Variants in RNF216 observed in about 807,000 individuals in gnomAD.
RNF216 encodes the protein ring finger protein 216, also known as E3 ubiquitin-protein ligase RNF216.
A neutral mutation model predicts 110.8 loss-of-function variants in RNF216; 72 were observed. The ratio of observed to expected loss-of-function variants is 0.65; its 90% CI spans 0.54 to 0.79. RNF216 has a LOEUF of 0.79. RNF216 is among the 30% of genes least tolerant of loss of function. RNF216 has a pLI of 0.00. For missense variants in RNF216, 1,342 were observed against 1,141.2 expected (o/e 1.18, Z -2.54); for synonymous variants, 495 against 407.5 (o/e 1.21, Z -2.59).
At chr7:5,740,231 A>G (rs529496560) in intron 4 of RNF216, among the ~76,000 whole-genome samples, 11 of 148,420 alleles carry the variant, frequency 7.4e-5, no homozygotes, top group Admixed American at 6.0e-4. Context: ...GGTTCACACC[A>G]TTCTCCTGCC....
At chr7:5,656,369 AG>A (rs1461615180) in intron 13 of RNF216, among the ~76,000 whole-genome samples, 2 of 152,214 alleles carry the variant, frequency 1.3e-5, no homozygotes, top group African/African-American at 4.8e-5. Context: ...GTGGTTTACA[AG>A]AAAGCCCCAA....
rs1217491437 is a variant in RNF216 at position 5,741,075 on chromosome 7, G to T, written c.942C>A (p.Ala314=). 2 of 1,614,024 alleles carry T rather than the reference G, an allele frequency of 1.2e-6. No homozygotes were observed. Among genetic ancestry groups the T allele is most frequent in the Non-Finnish European group, 8.5e-7 (1 of 1,180,048 alleles). ...GCTCTTGAGATTCTTGCATTGGAAA[G>T]GCTGGACCTGGCTCTTCATCATCAC... ...LASDDEEPGP[A]FPMQESQEPN... Residue 314 remains alanine (A), a synonymous_variant, in exon 4 of 17, where the codon GCC becomes GCA. Transcript: ENST00000389902.
intron 3 of RNF216, among the ~76,000 whole-genome samples, chr7:5,744,042 A>C (rs1039989908): frequency 1.3e-5 from 2 of 152,354 alleles, no homozygotes; most frequent in East Asian, 3.9e-4. Flanking sequence ...GAAAATCAAA[A>C]CAAGAGAAGT....
At chr7:5,706,968 A>T (rs1226668430) in intron 13 of RNF216, among the ~76,000 whole-genome samples, 1 of 152,226 alleles carries the variant, frequency 6.6e-6, no homozygotes, top group Non-Finnish European at 1.5e-5. Context: ...ATATGGTATC[A>T]GCGTCTAAGT....
At chr7:5,747,095 G>A (rs1795066475) in intron 3 of RNF216, among the ~76,000 whole-genome samples, 1 of 152,148 alleles carries the variant, frequency 6.6e-6, no homozygotes, top group Non-Finnish European at 1.5e-5. Context: ...AATATTCACA[G>A]TCTACTAACT....
intron 15 of RNF216, among the ~76,000 whole-genome samples, chr7:5,630,018 G>T (rs1786972978): frequency 6.6e-6 from 1 of 152,028 alleles, no homozygotes; most frequent in African/African-American, 2.4e-5. Flanking sequence ...CTGTGAAGAG[G>T]ACACTTGGAA....
chr7:5,753,838 T>C (rs1795460353), intron 2 of RNF216, among the ~76,000 whole-genome samples: 1 of 151,974 alleles, frequency 6.6e-6, no homozygotes, highest in South Asian at 2.1e-4. Flanking sequence ...CTACTAAAAA[T>C]ACAAAAATTA....
At chr7:5,736,169 C>T (rs1394500221) in intron 5 of RNF216, among the ~76,000 whole-genome samples, 4 of 152,230 alleles carry the variant, frequency 2.6e-5, no homozygotes, top group African/African-American at 9.6e-5. Context: ...TGATGCCCAG[C>T]CGAAGCTGGA....
intron 13 of RNF216, among the ~76,000 whole-genome samples, chr7:5,682,697 C>G (rs1018374698): frequency 6.6e-6 from 1 of 152,088 alleles, no homozygotes; most frequent in African/African-American, 2.4e-5. Context: ...TGAGCCTCTG[C>G]GCTCGGCTGA....
intron 5 of RNF216, among the ~76,000 whole-genome samples, chr7:5,736,904 T>C (rs1206298428): frequency 1.3e-5 from 2 of 150,048 alleles, no homozygotes; most frequent in African/African-American, 5.0e-5. Flanking sequence ...GTCCGGGAAG[T>C]GAGGAGCCCC....
chr7:5,663,089 C>G (rs150003662), intron 13 of RNF216, among the ~76,000 whole-genome samples: 1 of 152,138 alleles, frequency 6.6e-6, no homozygotes, highest in Non-Finnish European at 1.5e-5. Context: ...CCAAATGACC[C>G]GGGAAGAGCT....
chr7:5,768,392 C>CACACACACAG, intron 1 of RNF216, among the ~76,000 whole-genome samples: 1 of 148,050 alleles, frequency 6.8e-6, no homozygotes, highest in Non-Finnish European at 1.5e-5. Context: ...CACACACACA[C>CACACACACAG]AGCTTAAATT....
intron 13 of RNF216, among the ~76,000 whole-genome samples, chr7:5,711,558 T>C (rs1792691623): frequency 6.6e-6 from 1 of 152,238 alleles, no homozygotes; most frequent in Non-Finnish European, 1.5e-5. Flanking sequence ...GCTTTGTAAC[T>C]GGAGTGGCAA....
At chr7:5,653,123 C>G (rs1788498650) in intron 13 of RNF216, among the ~76,000 whole-genome samples, 1 of 152,160 alleles carries the variant, frequency 6.6e-6, no homozygotes, top group Non-Finnish European at 1.5e-5. Context: ...TCACCAGGGG[C>G]TCCTAAGGGA....
intron 13 of RNF216, among the ~76,000 whole-genome samples, 170 bp downstream of exon 13, chr7:5,711,591 C>T (rs1247800584): frequency 6.6e-6 from 1 of 152,174 alleles, no homozygotes; most frequent in African/African-American, 2.4e-5. Context: ...TCTCAGTAAC[C>T]ATGTCAACCG....
In RNF216 at chr7:5,676,126, C is replaced by T. The variant is rs967213846; in HGVS notation, c.2062-23616G>A. ...TCCCAGGTTCAAGTGATTCTCGTCT[C>T]AGCCTTCCAAGTAGCTGGGACTACA... is the stretch of plus-strand genomic sequence containing the variant. On this transcript the variant is annotated intron_variant, in intron 13 of 16. Coordinates refer to ENST00000389902, the MANE Select transcript of RNF216 (RefSeq NM_207111.4). Among the ~76,000 whole-genome samples, 4 of 152,002 alleles carry T rather than the reference C, an allele frequency of 2.6e-5. No individual in the cohort carries two copies. In the South Asian group the frequency reaches 6.2e-4, roughly 24 times the overall value.
intron 5 of RNF216, among the ~76,000 whole-genome samples, chr7:5,731,199 CTG>C (rs1490628992): frequency 1.3e-5 from 2 of 152,192 alleles, no homozygotes; most frequent in Non-Finnish European, 2.9e-5. Context: ...AAGTGGAAAA[CTG>C]TGTGTTCACA....
At chr7:5,627,809 C>T (rs1312659812) in intron 15 of RNF216, among the ~76,000 whole-genome samples, 3 of 151,784 alleles carry the variant, frequency 2.0e-5, no homozygotes, top group Non-Finnish European at 2.9e-5. Flanking sequence ...TGATAAAACA[C>T]GAGGGACAAG....
At chr7:5,697,728 T>G (rs186063931) in intron 13 of RNF216, among the ~76,000 whole-genome samples, 1 of 152,288 alleles carries the variant, frequency 6.6e-6, no homozygotes, top group East Asian at 1.9e-4. Flanking sequence ...GTGCTTAGGA[T>G]GCAAGGGTGC....
Sources: allele counts gnomAD v4.1 joint callset (sites outside exome capture counted in the v4.1 genomes callset), GRCh38; gene constraint gnomAD v4.1.1; transcripts MANE v1.5; gene names NCBI Gene and HGNC (gene_info 2026-07-23, HGNC 2026-07-21).